The following SIK3 variants were observed in gnomAD, a reference collection of about 807,000 sequenced individuals.
The protein encoded by SIK3 is serine/threonine-protein kinase SIK3.
SIK3 carries 28 observed loss-of-function variants against 144.2 expected under a neutral mutation model. That is an observed-to-expected ratio of 0.19 (90% confidence interval 0.14 to 0.27). The LOEUF is 0.27. SIK3 is among the 10% of genes least tolerant of loss of function. The probability of loss-of-function intolerance (pLI) is 1.00; values close to 1 mark genes in which losing one functional copy is unlikely to be tolerated. For synonymous variants in SIK3, 686 were observed against 676.3 expected (o/e 1.01, Z -0.22); for missense variants, 1,319 against 1,776.0 (o/e 0.74, Z 4.62).
intron 22 of SIK3, 150 bp downstream of exon 22, chr11:116,848,970 A>G: frequency 1.1e-6 from 1 of 900,058 alleles, no homozygotes. Context: ...CTCAAAAAAG[A>G]AAAAAAAAGA....
At chr11:117,081,572 C>T (rs755943423) in intron 1 of SIK3, among the ~76,000 whole-genome samples, 2 of 152,068 alleles carry the variant, frequency 1.3e-5, no homozygotes, top group Admixed American at 6.6e-5. Context: ...TGCAGTGAGC[C>T]GAGATGGCGC....
At chr11:116,983,444 C>T (rs1487712038) in intron 1 of SIK3, among the ~76,000 whole-genome samples, 3 of 150,430 alleles carry the variant, frequency 2.0e-5, no homozygotes, top group Non-Finnish European at 3.0e-5. Flanking sequence ...GCAAGAGAAT[C>T]GCTTGAACCC....
rs775513891 is a variant in SIK3, at chr11:116,873,941, T to C, written c.1543A>G (p.Met515Val). ...NVNFMHNLLP[M>V]QNLQPTGQLE... ...TGCCCGGTTGGTTGCAAGTTTTGCA[T>C]AGGCAACAGGTTGTGCATGAAGTTC... is the stretch of plus-strand genomic sequence containing the variant. Residue 515 changes from methionine (M) to valine (V), a missense_variant, in exon 12 of 25, where the codon ATG (methionine) becomes GTG (valine). Met to Val is a conservative substitution (Grantham distance 21). Around this residue, in one of 8 missense-constraint regions of SIK3, gnomAD observed 167 missense variants for 263.3 expected, o/e 0.63. Transcript: ENST00000445177. The C allele has an allele frequency of 5.0e-6, 8 of 1,613,384 alleles. No individual in the cohort carries two copies. Among genetic ancestry groups the C allele is most frequent in the Admixed American group, 3.3e-5 (2 of 59,844 alleles).
intron 3 of SIK3, among the ~76,000 whole-genome samples, chr11:116,931,381 G>C (rs1255200280): frequency 2.0e-5 from 3 of 152,144 alleles, no homozygotes. Flanking sequence ...CCTTCCCTAG[G>C]CCAGCTTCAA....
chr11:116,911,003 C>G (rs1482673670), intron 4 of SIK3, among the ~76,000 whole-genome samples: 4 of 152,130 alleles, frequency 2.6e-5, no homozygotes, highest in South Asian at 2.1e-4. Context: ...GGTGAAGCGG[C>G]GCACACCTGT....
intron 1 of SIK3, among the ~76,000 whole-genome samples, chr11:116,970,422 C>T (rs2135462830): frequency 6.6e-6 from 1 of 152,284 alleles, no homozygotes; most frequent in South Asian, 2.1e-4. Context: ...AAATCAGAAT[C>T]ACTACTAGTC....
chr11:116,873,795 CT>C, intron 12 of SIK3, 107 bp downstream of exon 12: 1 of 1,485,364 alleles, frequency 6.7e-7, no homozygotes. Context: ...GATAAATCAT[CT>C]TTCTCTATAA....
At chr11:116,932,510 G>A (rs920458320) in intron 3 of SIK3, among the ~76,000 whole-genome samples, 4 of 151,976 alleles carry the variant, frequency 2.6e-5, no homozygotes, top group Non-Finnish European at 4.4e-5. Context: ...ACAACTATTC[G>A]GACTCAGTCA....
intron 3 of SIK3, among the ~76,000 whole-genome samples, chr11:116,938,831 GCTAA>G (rs1333353358): frequency 6.6e-6 from 1 of 152,104 alleles, no homozygotes; most frequent in Non-Finnish European, 1.5e-5. Context: ...GCTCCCACTG[GCTAA>G]GTGGAATAAT....
Position 116,867,909 on chromosome 11 carries a change from G to T in SIK3, c.1952+37C>A, listed in dbSNP as rs1179313162. On this transcript the variant is annotated intron_variant, in intron 15 of 24. Coordinates refer to ENST00000445177, the MANE Select transcript of SIK3 (RefSeq NM_001366686.3). The surrounding 1 kb of genome is among the most constrained non-coding windows in gnomAD (Gnocchi z 4.1). ...AATCAGAAGGGTGCCTGTCCGATGA[G>T]CCTCAAGGAGCTCGCACAGCTCATG... 4 of 1,484,046 alleles carry T rather than the reference G, an allele frequency of 2.7e-6. No homozygotes were observed. The African/African-American group carries it at 4.2e-5, about 16-fold the overall frequency. 91.9% of individuals were successfully genotyped at this position (1,484,046 alleles called of 1,614,324 possible). A position where few individuals can be genotyped will look rare whatever the true frequency, so the allele number is the denominator to read the frequency against.
At chr11:117,041,101 A>C (rs1010327370) in intron 1 of SIK3, among the ~76,000 whole-genome samples, 3 of 152,132 alleles carry the variant, frequency 2.0e-5, no homozygotes, top group African/African-American at 7.2e-5. Context: ...AATATTGCTC[A>C]AAGTGGAATA....
intron 4 of SIK3, among the ~76,000 whole-genome samples, chr11:116,898,130 C>G (rs1242228710): frequency 6.6e-6 from 1 of 151,734 alleles, no homozygotes; most frequent in Non-Finnish European, 1.5e-5. Context: ...CCCCGTCCCC[C>G]CACCCCACAA....
chr11:116,880,448 G>C (rs1261644734), intron 6 of SIK3, among the ~76,000 whole-genome samples: 1 of 152,116 alleles, frequency 6.6e-6, no homozygotes, highest in Non-Finnish European at 1.5e-5. Flanking sequence ...AACAATTCTT[G>C]GTTACAGTGT....
chr11:117,027,133 G>A (rs191286256), intron 1 of SIK3, among the ~76,000 whole-genome samples: 22 of 152,252 alleles, frequency 1.4e-4, no homozygotes, highest in African/African-American at 4.1e-4. Context: ...ATCCAGATGC[G>A]ATGAAAAAGC....
chr11:117,083,571 G>A (rs1311348164), intron 1 of SIK3, among the ~76,000 whole-genome samples: 1 of 152,052 alleles, frequency 6.6e-6, no homozygotes. Flanking sequence ...ATTATTTTGA[G>A]AGTTTAAAAA....
intron 1 of SIK3, among the ~76,000 whole-genome samples, chr11:117,064,412 C>T (rs1006600552): frequency 2.0e-5 from 3 of 152,128 alleles, no homozygotes; most frequent in Admixed American, 6.5e-5. Context: ...TTTGAGATTG[C>T]TGACTCAAAG....
At chr11:116,947,527 ATATATATGTATGTATG>A (rs1948717074) in intron 3 of SIK3, among the ~76,000 whole-genome samples, 1 of 94,628 alleles carries the variant, frequency 1.1e-5, no homozygotes, top group South Asian at 2.5e-4. Context: ...AAATATATAT[ATATATATGTATGTATG>A]TATGTATGTA....
rs57524562 is a variant in SIK3, at chr11:117,031,687, A to ATTT, written c.273+66453_273+66455dup. On this transcript the variant is annotated intron_variant, in intron 1 of 24. Coordinates refer to ENST00000445177, the MANE Select transcript of SIK3 (RefSeq NM_001366686.3). ...TGGCATGTACCACCACACCCGGCTA[A>ATTT]TTTTTTTTTTTTTTTTTTTTTTTTT... is the stretch of plus-strand genomic sequence containing the variant. 8.1e-3 allele frequency among the ~76,000 whole-genome samples: 658 copies of ATTT among 81,518 alleles called. 25 individuals are homozygous for ATTT. Among genetic ancestry groups the ATTT allele is most frequent in the Middle Eastern group, 0.031 (3 of 98 alleles). 53.5% of individuals were successfully genotyped at this position (81,518 alleles called of 152,430 possible). A position where few individuals can be genotyped will look rare whatever the true frequency, so the allele number is the denominator to read the frequency against.
At chr11:117,070,317 C>T (rs1044072819) in intron 1 of SIK3, among the ~76,000 whole-genome samples, 3 of 152,142 alleles carry the variant, frequency 2.0e-5, no homozygotes, top group Non-Finnish European at 4.4e-5. Flanking sequence ...CAGGCATGGT[C>T]GCTACTGCCT....
Sources: gnomAD v4.1 joint callset for allele counts (sites outside exome capture counted in the v4.1 genomes callset) on GRCh38, gnomAD v4.1.1 for gene constraint, gnomAD v4.1.1 regional missense constraint, Gnocchi (gnomAD v3.1) non-coding constraint, MANE v1.5 for transcripts, NCBI Gene and HGNC (gene_info 2026-07-23, HGNC 2026-07-21) for gene names.